EMSY: variants seen among roughly 807,000 people sequenced by gnomAD.
EMSY encodes BRCA2-interacting transcriptional repressor EMSY.
EMSY carries 26 observed loss-of-function variants against 134.6 expected under a neutral mutation model. The observed-to-expected ratio is 0.19, with a 90% CI of 0.14 to 0.27. The LOEUF (loss-of-function observed/expected upper bound fraction) is 0.27. Among genes scored for constraint, EMSY ranks in the 10% least tolerant of loss-of-function variants. The probability of loss-of-function intolerance (pLI) is 1.00; values close to 1 mark genes in which losing one functional copy is unlikely to be tolerated. For missense variants in EMSY, 1,305 were observed against 1,611.4 expected (o/e 0.81, Z 3.26); for synonymous variants, 579 against 577.8 (o/e 1.00, Z -0.03).
intron 8 of EMSY, 44 bp from the exon 10 acceptor site, chr11:76,496,171 T>G (rs963504948): frequency 1.9e-6 from 3 of 1,555,326 alleles, no homozygotes; most frequent in Non-Finnish European, 2.6e-6. Context: ...ACTTTAATTT[T>G]GCTTTCCTAT....
chr11:76,496,659 C>A, intron 9 of EMSY, 190 bp downstream of exon 10: 1 of 706,746 alleles, frequency 1.4e-6, no homozygotes, highest in Non-Finnish European at 2.5e-6. Flanking sequence ...ATTTCATTTT[C>A]TTGTCGTGAT....
rs762852593 is a variant in EMSY at position 76,544,246 on chromosome 11, C to T, written c.2710-13C>T. 5.7e-6 allele frequency: 9 copies of T among 1,587,472 alleles called. No individual in the cohort carries two copies. Among genetic ancestry groups the T allele is most frequent in the Non-Finnish European group, 7.7e-6 (9 of 1,163,680 alleles). On this transcript the variant is annotated splice_polypyrimidine_tract_variant and intron_variant, in intron 18 of 20. Coordinates refer to ENST00000334736, the Ensembl canonical transcript of EMSY. ...TTCTTATTTCATTCTTACTTTGTGC[C>T]TTTTTTACTTAGGCATTAAGCAGTC...
intron 9 of EMSY, chr11:76,497,012 A>G (rs1412388295): frequency 5.9e-6 from 1 of 170,778 alleles, no homozygotes; most frequent in African/African-American, 2.4e-5. Flanking sequence ...CATTAAGTAC[A>G]ATACCAGCTG....
chr11:76,465,313 A>G (rs1227695536), intron 7 of EMSY, among the ~76,000 whole-genome samples: 2 of 152,150 alleles, frequency 1.3e-5, no homozygotes, highest in Non-Finnish European at 2.9e-5. Context: ...TTGGATTCAG[A>G]TCCCAGCTTT....
At chr11:76,450,244 G>A (rs1401965654) in intron 2 of EMSY, among the ~76,000 whole-genome samples, 1 of 152,092 alleles carries the variant, frequency 6.6e-6, no homozygotes, top group Non-Finnish European at 1.5e-5. Context: ...ATAAATGGGG[G>A]AAGGCATAAA....
intron 20 of EMSY, among the ~76,000 whole-genome samples, 190 bp from the exon 22 acceptor site, chr11:76,549,762 T>A (rs1951781184): frequency 6.6e-6 from 1 of 152,210 alleles, no homozygotes; most frequent in East Asian, 1.9e-4. Context: ...TCACAGGGAT[T>A]TAGCAGAATA....
chr11:76,499,538 C>T (rs1949780724), intron 9 of EMSY, among the ~76,000 whole-genome samples: 1 of 152,024 alleles, frequency 6.6e-6, no homozygotes, highest in Non-Finnish European at 1.5e-5. Context: ...CCGCCCTCCT[C>T]CACCTCCCAA....
exon 7 of EMSY, chr11:76,464,046 C>T: frequency 6.2e-7 from 1 of 1,614,174 alleles, no homozygotes. Flanking sequence ...TTCACTAAAC[C>T]ATCAACACAG....
intron 1 of EMSY, among the ~76,000 whole-genome samples, chr11:76,445,340 G>T (rs1468599410): frequency 6.6e-6 from 1 of 152,110 alleles, no homozygotes; most frequent in Non-Finnish European, 1.5e-5. Context: ...GGAGACTCCC[G>T]GTGAGTCCAG....
At chr11:76,537,678 A>G (rs2136577663) in intron 15 of EMSY, 117 bp from the exon 17 acceptor site, 1 of 840,476 alleles carries the variant, frequency 1.2e-6, no homozygotes, top group Admixed American at 2.8e-5. Context: ...TTCACTGTCT[A>G]CTTAGTCACT....
At chr11:76,486,879 A>G (rs1949206936) in intron 8 of EMSY, among the ~76,000 whole-genome samples, 1 of 152,236 alleles carries the variant, frequency 6.6e-6, no homozygotes, top group Non-Finnish European at 1.5e-5. Context: ...AAAATGTGTG[A>G]TGATCTTACT....
At chr11:76,453,491 A>G in intron 4 of EMSY, 103 bp downstream of exon 4, 2 of 994,482 alleles carry the variant, frequency 2.0e-6, no homozygotes. Flanking sequence ...CTTTTAAGTA[A>G]CAATATCTCT....
At chr11:76,487,029 G>T (rs1191356005) in intron 8 of EMSY, among the ~76,000 whole-genome samples, 3 of 152,226 alleles carry the variant, frequency 2.0e-5, no homozygotes, top group Non-Finnish European at 4.4e-5. Flanking sequence ...TGTAATCCCA[G>T]CACTTTGGGA....
chr11:76,482,088 G>A (rs1402144359), intron 8 of EMSY, among the ~76,000 whole-genome samples: 1 of 152,152 alleles, frequency 6.6e-6, no homozygotes, highest in African/African-American at 2.4e-5. Flanking sequence ...AGCCTCCACT[G>A]GTGATACCCA....
chr11:76,457,642 C>T (rs1947929250), intron 4 of EMSY, among the ~76,000 whole-genome samples: 1 of 152,086 alleles, frequency 6.6e-6, no homozygotes, highest in South Asian at 2.1e-4. Flanking sequence ...ATATACAGCA[C>T]TCTTCTGTTC....
chr11:76,458,552 C>T (rs930726743), intron 5 of EMSY, 194 bp downstream of exon 6: 4 of 493,428 alleles, frequency 8.1e-6, no homozygotes, highest in South Asian at 4.4e-5. Flanking sequence ...TCCCTTTTGT[C>T]GAAGGTGTGA....
chr11:76,454,605 C>G, intron 4 of EMSY, 144 bp from the exon 5 acceptor site: 1 of 504,818 alleles, frequency 2.0e-6, no homozygotes, highest in Admixed American at 3.9e-5. Context: ...CCTTAGCTTG[C>G]ATTCAGAGGC....
In EMSY at chr11:76,454,803, GTTA is replaced by G. The variant is rs1164477498; in HGVS notation, c.245+1424_245+1426del. 2 of 1,439,046 alleles carry G rather than the reference GTTA, an allele frequency of 1.4e-6. No homozygotes were observed. Among genetic ancestry groups the G allele is most frequent in the African/African-American group, 2.9e-5 (2 of 69,800 alleles). 89.1% of individuals were successfully genotyped at this position (1,439,046 alleles called of 1,614,324 possible). ...GACCAAGTTACAGGTATGCAAATAG[GTTA>G]TTATTATTTCAGGCTTTTTCTTGTA... is the stretch of plus-strand genomic sequence containing the variant. On this transcript the variant is annotated intron_variant, in intron 4 of 20. Coordinates refer to ENST00000334736, the Ensembl canonical transcript of EMSY.
exon 14 of EMSY, chr11:76,528,281 C>T (rs754747806): frequency 6.2e-7 from 1 of 1,613,158 alleles, no homozygotes; most frequent in South Asian, 1.1e-5. Context: ...CTTATTAAAC[C>T]CAAACCAGTG....
Sources: allele counts gnomAD v4.1 joint callset (sites outside exome capture counted in the v4.1 genomes callset), GRCh38; gene constraint gnomAD v4.1.1; transcripts MANE v1.5; gene names NCBI Gene and HGNC (gene_info 2026-07-23, HGNC 2026-07-21).